Variants in OSR2 observed in about 807,000 individuals in gnomAD.
The protein encoded by OSR2 is protein odd-skipped-related 2.
OSR2 carries 8 observed loss-of-function variants against 22.3 expected under a neutral mutation model. The ratio of observed to expected loss-of-function variants is 0.36; its 90% CI spans 0.21 to 0.65. The LOEUF is 0.65. OSR2 is among the 30% of genes least tolerant of loss of function. The probability of loss-of-function intolerance (pLI) is 0.66; values close to 1 mark genes in which losing one functional copy is unlikely to be tolerated. For synonymous variants in OSR2, 179 were observed against 173.8 expected (o/e 1.03, Z -0.23); for missense variants, 311 against 413.4 (o/e 0.75, Z 2.15).
chr8:98,947,383 G>A (rs978791408), intron 1 of OSR2, among the ~76,000 whole-genome samples: 1 of 152,070 alleles, frequency 6.6e-6, no homozygotes, highest in Admixed American at 6.5e-5. Flanking sequence ...GCGCTGGAGA[G>A]GACAAGTCAG....
chr8:98,950,118 C>T (rs1193360605), intron 2 of OSR2, among the ~76,000 whole-genome samples: 1 of 152,094 alleles, frequency 6.6e-6, no homozygotes, highest in Admixed American at 6.5e-5. Flanking sequence ...CACCTCCCTT[C>T]CGCGACCTTA....
chr8:98,948,341 C>G lies in OSR2; in HGVS notation c.-114-498C>G, dbSNP rs1197573122. ...CGGGAAAGGCGGCCACAGGGCGCGG[C>G]GGCAGCGCAGCGCGTGGGATCTCAC... On this transcript the variant is annotated intron_variant, in intron 1 of 3. Coordinates refer to ENST00000297565, the MANE Select transcript of OSR2 (RefSeq NM_001142462.3). This position sits in a 1 kb window ranked among gnomAD's most constrained non-coding sequence, Gnocchi z 6.0. The G allele has an allele frequency of 6.6e-7, 1 of 1,522,554 alleles. No homozygotes were observed. Among genetic ancestry groups the G allele is most frequent in the African/African-American group, 1.4e-5 (1 of 72,488 alleles). 94.3% of individuals were successfully genotyped at this position (1,522,554 alleles called of 1,614,324 possible).
chr8:98,948,570 C>T lies in OSR2; in HGVS notation c.-114-269C>T, dbSNP rs979420014. 1.2e-4 allele frequency: 134 copies of T among 1,144,232 alleles called. 1 individual carries two copies. Among genetic ancestry groups the T allele is most frequent in the Admixed American group, 1.9e-4 (6 of 32,406 alleles). 70.9% of individuals were successfully genotyped at this position (1,144,232 alleles called of 1,614,324 possible). ...TCCTGGGACCGAGGAGTCTTCCGCT[C>T]CGTATCTGCCTAGAGTCTGAATCCG... On this transcript the variant is annotated intron_variant, in intron 1 of 3. Transcript: ENST00000297565. The surrounding 1 kb of genome is among the most constrained non-coding windows in gnomAD (Gnocchi z 6.0).
In OSR2 at chr8:98,948,122, C is replaced by G; in HGVS notation, c.-114-717C>G. On this transcript the variant is annotated intron_variant, in intron 1 of 3. Transcript: ENST00000297565. The surrounding 1 kb of genome is among the most constrained non-coding windows in gnomAD (Gnocchi z 6.0). ...AGGAGGGGGCGATTCTAGGCCGAATCCAGCCCCTGAGGTGTCACTTTTCTT... is the reference window on the plus strand; with the variant it reads ...AGGAGGGGGCGATTCTAGGCCGAATGCAGCCCCTGAGGTGTCACTTTTCTT... The G allele has an allele frequency of 7.3e-7, 1 of 1,375,070 alleles. No individual in the cohort carries two copies. The highest frequency in any genetic ancestry group is 2.9e-5 in the East Asian group (1 of 34,242). The allele number at this position is 1,375,070 out of a possible 1,614,324, so 85.2% of individuals were successfully genotyped here. A position where few individuals can be genotyped will look rare whatever the true frequency, so the allele number is the denominator to read the frequency against.
chr8:98,949,611 G>A lies in OSR2; in HGVS notation c.656+3G>A, dbSNP rs1191354667. On this transcript the variant is annotated splice_donor_region_variant and intron_variant, in intron 2 of 3. Coordinates refer to ENST00000297565, the MANE Select transcript of OSR2 (RefSeq NM_001142462.3). This position sits in a 1 kb window ranked among gnomAD's most constrained non-coding sequence, Gnocchi z 5.9. ...CAAGATCACCTGCGGGATCACAGGTGAGGCGGGCAAGGAGGATGGCTGGGA... is the reference window on the plus strand; with the variant it reads ...CAAGATCACCTGCGGGATCACAGGTAAGGCGGGCAAGGAGGATGGCTGGGA... 1.2e-6 allele frequency: 2 copies of A among 1,606,262 alleles called. No homozygotes were observed. Among genetic ancestry groups the A allele is most frequent in the Non-Finnish European group, 8.5e-7 (1 of 1,174,884 alleles).
At chr8:98,946,483 A>G (rs1405971394) in intron 1 of OSR2, among the ~76,000 whole-genome samples, 9 of 152,380 alleles carry the variant, frequency 5.9e-5, no homozygotes, top group East Asian at 1.9e-4. Flanking sequence ...AAGGGTTTCA[A>G]AAGGACCAAT....
chr8:98,947,496 G>A (rs1005326580), intron 1 of OSR2, among the ~76,000 whole-genome samples: 1 of 152,160 alleles, frequency 6.6e-6, no homozygotes, highest in African/African-American at 2.4e-5. Context: ...ACTGGGAAAC[G>A]TGACTCCTAC....
rs1435133504 is a variant in OSR2 at position 98,949,011 on chromosome 8, A to G, written c.59A>G (p.Asn20Ser). 4 of 1,613,880 alleles carry G rather than the reference A, an allele frequency of 2.5e-6. No homozygotes were observed. The highest frequency in any genetic ancestry group is 2.2e-5 in the East Asian group (1 of 44,882). Residue 20 changes from asparagine (N) to serine (S), a missense_variant, in exon 2 of 4, where the codon AAT becomes AGT. Around this residue, in one of 5 missense-constraint regions of OSR2, gnomAD observed 146 missense variants for 160.5 expected, o/e 0.91. Transcript: ENST00000297565. The surrounding 1 kb of genome is among the most constrained non-coding windows in gnomAD (Gnocchi z 5.9). ...CTCCACCCGTCGCTGCAGCTCACCA[A>G]TTACTCCTTCCTGCAGGCCGTGAAC... ...IPLHPSLQLT[N>S]YSFLQAVNTF...
intron 2 of OSR2, among the ~76,000 whole-genome samples, 168 bp from the exon 3 acceptor site, chr8:98,950,488 G>T (rs997013573): frequency 1.3e-5 from 2 of 151,780 alleles, no homozygotes; most frequent in Non-Finnish European, 2.9e-5. Context: ...AAGAGAATTA[G>T]TTGAGATTAA....
In OSR2 at chr8:98,948,759, C is replaced by T; in HGVS notation, c.-114-80C>T. ...GGGGAGGGAGACTTAGGTGTGGTAA[C>T]CTGCGCAGGTGCCAAAGGGCAGAAG... On this transcript the variant is annotated intron_variant, in intron 1 of 3. Coordinates refer to ENST00000297565, the MANE Select transcript of OSR2 (RefSeq NM_001142462.3). The surrounding 1 kb of genome is among the most constrained non-coding windows in gnomAD (Gnocchi z 6.0). 2.1e-6 allele frequency: 3 copies of T among 1,429,904 alleles called. No individual in the cohort carries two copies. Among genetic ancestry groups the T allele is most frequent in the Non-Finnish European group, 2.8e-6 (3 of 1,081,452 alleles). 88.6% of individuals were successfully genotyped at this position (1,429,904 alleles called of 1,614,324 possible).
At chr8:98,946,789 G>C (rs1326684099) in intron 1 of OSR2, among the ~76,000 whole-genome samples, 1 of 152,042 alleles carries the variant, frequency 6.6e-6, no homozygotes, top group Admixed American at 6.6e-5. Flanking sequence ...CATACACCCT[G>C]TGGTGGGAGT....
At position 98,948,331 on chromosome 8, in the gene OSR2, C is replaced by T; in HGVS notation, c.-114-508C>T. 2 of 1,523,630 alleles carry T rather than the reference C, an allele frequency of 1.3e-6. No individual in the cohort carries two copies. The highest frequency in any genetic ancestry group is 1.8e-6 in the Non-Finnish European group (2 of 1,139,428). 94.4% of individuals were successfully genotyped at this position (1,523,630 alleles called of 1,614,324 possible). A position where few individuals can be genotyped will look rare whatever the true frequency, so the allele number is the denominator to read the frequency against. On this transcript the variant is annotated intron_variant, in intron 1 of 3. Coordinates refer to ENST00000297565, the MANE Select transcript of OSR2 (RefSeq NM_001142462.3). This position sits in a 1 kb window ranked among gnomAD's most constrained non-coding sequence, Gnocchi z 6.0. ...CGGGTAAGCGCGGGAAAGGCGGCCA[C>T]AGGGCGCGGCGGCAGCGCAGCGCGT...
rs764636791 is a variant in OSR2 at position 98,948,061 on chromosome 8, C to CT, written c.-114-776dup. 4.7e-6 allele frequency: 6 copies of CT among 1,273,150 alleles called. No homozygotes were observed. The highest frequency in any genetic ancestry group is 5.0e-6 in the Non-Finnish European group (5 of 991,696). 78.9% of individuals were successfully genotyped at this position (1,273,150 alleles called of 1,614,324 possible). ...GGAGCCTGAACCATCTGGAAGGGAT[C>CT]TTAGTCGGGGGTTGGGAGGAGAGCC... On this transcript the variant is annotated intron_variant, in intron 1 of 3. Transcript: ENST00000297565. The surrounding 1 kb of genome is among the most constrained non-coding windows in gnomAD (Gnocchi z 6.0).
At chr8:98,951,017 G>A in intron 3 of OSR2, 2 of 567,514 alleles carry the variant, frequency 3.5e-6, no homozygotes, top group Non-Finnish European at 6.2e-6. Flanking sequence ...AATCTGTCCT[G>A]CATTTAAAGC....
rs763852070 is a variant in OSR2, at chr8:98,948,985, G to C, written c.33G>C (p.Pro11=). Residue 11 remains proline, a synonymous_variant, in exon 2 of 4, where the codon CCG becomes CCC. Coordinates refer to ENST00000297565, the MANE Select transcript of OSR2 (RefSeq NM_001142462.3). This position sits in a 1 kb window ranked among gnomAD's most constrained non-coding sequence, Gnocchi z 6.0. MGSKALPAPI[P]LHPSLQLTNY... ...GCAAGGCTCTGCCAGCGCCCATCCC[G>C]CTCCACCCGTCGCTGCAGCTCACCA... is the stretch of plus-strand genomic sequence containing the variant. 3.1e-6 allele frequency: 5 copies of C among 1,613,948 alleles called. No homozygotes were observed. The highest frequency in any genetic ancestry group is 1.7e-5 in the Admixed American group (1 of 60,036).
At position 98,948,213 on chromosome 8, in the gene OSR2, G is replaced by T. The variant is rs1427179647; in HGVS notation, c.-114-626G>T. Reference sequence around the variant, plus strand: ...GAGGAAGGAAAAAGAAAACCTCCGAGGTCAGTGCGGGGCGAGGTGAGCCCC... The same window carrying T: ...GAGGAAGGAAAAAGAAAACCTCCGATGTCAGTGCGGGGCGAGGTGAGCCCC... On this transcript the variant is annotated intron_variant, in intron 1 of 3. Coordinates refer to ENST00000297565, the MANE Select transcript of OSR2 (RefSeq NM_001142462.3). The surrounding 1 kb of genome is among the most constrained non-coding windows in gnomAD (Gnocchi z 6.0). The T allele has an allele frequency of 3.5e-6, 5 of 1,436,258 alleles. 1 individual carries two copies. The East Asian group carries it at 1.4e-4, about 39-fold the overall frequency. 89.0% of individuals were successfully genotyped at this position (1,436,258 alleles called of 1,614,324 possible). A position where few individuals can be genotyped will look rare whatever the true frequency, so the allele number is the denominator to read the frequency against.
In OSR2 at chr8:98,948,838, G is replaced by A; in HGVS notation, c.-114-1G>A. On this transcript the variant is annotated splice_acceptor_variant, in intron 1 of 3. Coordinates refer to ENST00000297565, the MANE Select transcript of OSR2 (RefSeq NM_001142462.3). LOFTEE classifies it low-confidence loss of function (5UTR_SPLICE). The surrounding 1 kb of genome is among the most constrained non-coding windows in gnomAD (Gnocchi z 6.0). ...CTCCCTCTCTTCCCTGCCATTTTTA[G>A]GGCTTTCTCTACGTGCTGTTGTCTC... 6.3e-7 allele frequency: 1 copy of A among 1,587,844 alleles called. No individual in the cohort carries two copies. Among genetic ancestry groups the A allele is most frequent in the Non-Finnish European group, 8.6e-7 (1 of 1,168,592 alleles).
At position 98,949,174 on chromosome 8, in the gene OSR2, G is replaced by C; in HGVS notation, c.222G>C (p.Ala74=). The change falls in exon 2 of 4, where the codon GCG becomes GCC. Residue 74 remains alanine, a synonymous_variant. Transcript: ENST00000297565. The surrounding 1 kb of genome is among the most constrained non-coding windows in gnomAD (Gnocchi z 5.9). ...GCTCCACCATCACGGAGATGGCGGC[G>C]GCGCAGGGCCTCGTGGACGCGCGCT... ...ITRSTITEMA[A]AQGLVDARFP... 6.2e-7 allele frequency: 1 copy of C among 1,603,792 alleles called. No homozygotes were observed. Among genetic ancestry groups the C allele is most frequent in the Admixed American group, 1.7e-5 (1 of 59,412 alleles).
At position 98,951,753 on chromosome 8, in the gene OSR2, C is replaced by A; in HGVS notation, c.*52C>A. 6.5e-7 allele frequency: 1 copy of A among 1,544,316 alleles called. No homozygotes were observed. Among genetic ancestry groups the A allele is most frequent in the East Asian group, 2.4e-5 (1 of 41,854 alleles). ...CCGCTGCTCCCCTCCCCAGACACCT[C>A]TCCACGTCTCCTACCCAGGGGGTCG... is the stretch of plus-strand genomic sequence containing the variant. On this transcript the variant is annotated 3_prime_UTR_variant, in exon 4 of 4. Transcript: ENST00000297565.
Sources: allele counts gnomAD v4.1 joint callset (sites outside exome capture counted in the v4.1 genomes callset), GRCh38; gene constraint gnomAD v4.1.1; regional missense constraint gnomAD v4.1.1; non-coding constraint Gnocchi (gnomAD v3.1); transcripts MANE v1.5; gene names NCBI Gene and HGNC (gene_info 2026-07-23, HGNC 2026-07-21).